CREB5: variants seen among roughly 807,000 people sequenced by gnomAD.
CREB5 encodes cyclic AMP-responsive element-binding protein 5.
In CREB5, 19 loss-of-function variants were observed where a neutral mutation model predicts 57.1. The observed-to-expected ratio is 0.33, with a 90% confidence interval of 0.23 to 0.49. CREB5 has a LOEUF of 0.49. CREB5 is among the 20% of genes least tolerant of loss of function. The pLI is 0.99. For synonymous variants in CREB5, 238 were observed against 238.3 expected, an observed-to-expected ratio of 1.00 and a Z score of 0.01; for missense variants, 579 against 671.6, an observed-to-expected ratio of 0.86 and a Z score of 1.52.
At chr7:28,599,997 T>C (rs1796852794) in intron 5 of CREB5, among the ~76,000 whole-genome samples, 1 of 152,090 alleles carries the variant, frequency 6.6e-6, no homozygotes, top group Non-Finnish European at 1.5e-5. Context: ...CATGGTGACG[T>C]TGAGAGGGTG....
intron 1 of CREB5, among the ~76,000 whole-genome samples, chr7:28,415,979 C>G (rs1469255135): frequency 6.6e-6 from 1 of 152,102 alleles, no homozygotes; most frequent in East Asian, 1.9e-4. Context: ...TGAGGTTTGA[C>G]TGGCAAAACT....
At chr7:28,644,638 CAATTTCAATTTGA>C (rs972843786) in intron 5 of CREB5, among the ~76,000 whole-genome samples, 10 of 152,044 alleles carry the variant, frequency 6.6e-5, no homozygotes, top group African/African-American at 1.9e-4. Context: ...TGAAATGTTT[CAATTTCAATTTGA>C]AATTTCAATT....
chr7:28,716,103 G>A (rs112288541), intron 5 of CREB5, among the ~76,000 whole-genome samples: 12 of 151,940 alleles, frequency 7.9e-5, no homozygotes, highest in South Asian at 2.1e-4. Flanking sequence ...CCCCATTCGC[G>A]TAACCATTAA....
intron 7 of CREB5, among the ~76,000 whole-genome samples, chr7:28,756,791 TTAAC>T (rs1213542936): frequency 6.6e-6 from 1 of 152,164 alleles, no homozygotes. Flanking sequence ...GGCACATGCT[TTAAC>T]TAATGTTCAG....
chr7:28,764,326 A>G (rs566558760), intron 7 of CREB5, among the ~76,000 whole-genome samples: 1 of 151,480 alleles, frequency 6.6e-6, no homozygotes, highest in South Asian at 2.1e-4. Flanking sequence ...CATAAGCCAG[A>G]GCTGAAATGC....
chr7:28,710,371 A>G (rs548988077), intron 5 of CREB5, among the ~76,000 whole-genome samples: 10 of 152,352 alleles, frequency 6.6e-5, no homozygotes, highest in South Asian at 2.1e-4. Context: ...TTAAGCACCT[A>G]CTAGGTACCA....
intron 1 of CREB5, among the ~76,000 whole-genome samples, chr7:28,470,916 TA>T (rs1790778981): frequency 6.6e-6 from 1 of 152,274 alleles, no homozygotes; most frequent in East Asian, 1.9e-4. Flanking sequence ...CCCAATTTTT[TA>T]ATTGGATTAT....
At chr7:28,488,034 C>CAT in intron 1 of CREB5, 141 bp from the exon 2 acceptor site, 2 of 673,414 alleles carry the variant, frequency 3.0e-6, no homozygotes, top group South Asian at 3.5e-5. Context: ...TGCTCACTCA[C>CAT]ATTAATGTTC....
At chr7:28,326,350 C>T (rs1785606156) in intron 1 of CREB5, among the ~76,000 whole-genome samples, 1 of 152,110 alleles carries the variant, frequency 6.6e-6, no homozygotes, top group Non-Finnish European at 1.5e-5. Context: ...CTCCCATTAT[C>T]CTTAATATAT....
chr7:28,787,040 C>T (rs1014993468), intron 7 of CREB5, among the ~76,000 whole-genome samples: 3 of 152,174 alleles, frequency 2.0e-5, no homozygotes, highest in South Asian at 2.1e-4. Flanking sequence ...GAGAATTTAG[C>T]GACGGCCTGG....
chr7:28,453,807 G>A (rs1789953857), intron 1 of CREB5, among the ~76,000 whole-genome samples: 1 of 152,186 alleles, frequency 6.6e-6, no homozygotes, highest in African/African-American at 2.4e-5. Flanking sequence ...CTGCCCCCAA[G>A]GGCATTGCGA....
At chr7:28,810,198 T>C (rs1237617153) in intron 9 of CREB5, among the ~76,000 whole-genome samples, 3 of 151,750 alleles carry the variant, frequency 2.0e-5, no homozygotes, top group Admixed American at 6.6e-5. Flanking sequence ...TTTGTTCTAA[T>C]GTTAAAAATA....
chr7:28,567,752 C>T (rs1180990825), intron 4 of CREB5, among the ~76,000 whole-genome samples: 2 of 152,124 alleles, frequency 1.3e-5, no homozygotes, highest in Non-Finnish European at 2.9e-5. Flanking sequence ...TGCTGGAATG[C>T]AGCATGGTTA....
chr7:28,460,306 A>G (rs1583489579), intron 1 of CREB5, among the ~76,000 whole-genome samples: 1 of 152,246 alleles, frequency 6.6e-6, no homozygotes, highest in South Asian at 2.1e-4. Context: ...CTATAAATAT[A>G]GACATACCAT....
At chr7:28,792,009 A>G (rs1807742698) in intron 7 of CREB5, among the ~76,000 whole-genome samples, 1 of 152,216 alleles carries the variant, frequency 6.6e-6, no homozygotes, top group Non-Finnish European at 1.5e-5. Context: ...CTACCGTCAA[A>G]AATGTGCCAA....
At chr7:28,725,313 G>C (rs139934280) in intron 7 of CREB5, among the ~76,000 whole-genome samples, 290 of 152,320 alleles carry the variant, frequency 1.9e-3, no homozygotes, top group African/African-American at 6.7e-3. Flanking sequence ...ATGTCAGCAA[G>C]AGTTTTCTCA....
chr7:28,657,169 A>T (rs1321282882), intron 5 of CREB5, among the ~76,000 whole-genome samples: 1 of 152,196 alleles, frequency 6.6e-6, no homozygotes, highest in Admixed American at 6.5e-5. Flanking sequence ...GGCCATAAGT[A>T]CATGGTGGAT....
intron 7 of CREB5, among the ~76,000 whole-genome samples, chr7:28,747,830 A>G (rs565059773): frequency 7.2e-5 from 11 of 152,340 alleles, no homozygotes; most frequent in African/African-American, 2.6e-4. Flanking sequence ...GCCTTTGTTT[A>G]CCAGTCTTGC....
exon 1 of CREB5, chr7:28,299,397 C>A (rs1007913971): frequency 2.6e-5 from 4 of 152,200 alleles, no homozygotes; most frequent in Non-Finnish European, 4.4e-5. Flanking sequence ...CTGCCTAAAG[C>A]ATTTATGCTC....
Sources: allele counts gnomAD v4.1 joint callset (sites outside exome capture counted in the v4.1 genomes callset), GRCh38; gene constraint gnomAD v4.1.1; transcripts MANE v1.5; gene names NCBI Gene and HGNC (gene_info 2026-07-23, HGNC 2026-07-21).